CPAMD8: variants seen among roughly 807,000 people sequenced by gnomAD.
CPAMD8 encodes the protein C3 and PZP like alpha-2-macroglobulin domain containing 8.
Under a neutral mutation model 224.7 loss-of-function variants are expected in CPAMD8, and 146 were observed. The observed-to-expected ratio is 0.65, with a 90% CI of 0.57 to 0.75. CPAMD8 has a LOEUF of 0.75. Ranked by LOEUF, CPAMD8 falls within the 30% of genes least tolerant of loss-of-function variation. The probability of loss-of-function intolerance (pLI) is 0.00; values close to 1 mark genes in which losing one functional copy is unlikely to be tolerated. For missense variants in CPAMD8, 2,301 were observed against 2,537.5 expected (o/e 0.91, Z 2.00); for synonymous variants, 966 against 1,044.6 (o/e 0.92, Z 1.45).
At position 16,912,864 on chromosome 19, in the gene CPAMD8, C is replaced by T. The variant is rs781184919; in HGVS notation, c.3861+1560G>A. On this transcript the variant is annotated intron_variant, in intron 29 of 41. Transcript: ENST00000443236. The stretch of plus-strand genomic sequence containing the variant: ...GAAAGCTTCCAGAGGAGAGAACAAA[C>T]GAGATACAAAGGATAGTACTCAGAA... 4.6e-5 allele frequency among the ~76,000 whole-genome samples: 7 copies of T among 152,010 alleles called. No individual in the cohort carries two copies. The South Asian group carries it at 8.3e-4, about 18-fold the overall frequency.
At chr19:16,968,213 T>A (rs1394475076) in intron 18 of CPAMD8, among the ~76,000 whole-genome samples, 1 of 152,060 alleles carries the variant, frequency 6.6e-6, no homozygotes, top group African/African-American at 2.4e-5. Flanking sequence ...CATCTTGAAA[T>A]GCTTCCATGT....
Position 16,925,255 on chromosome 19 carries a change from T to C in CPAMD8, c.3488A>G (p.Gln1163Arg), listed in dbSNP as rs753551473. The change falls in exon 26 of 42, where the codon CAG (glutamine) becomes CGG (arginine). Residue 1163 changes from glutamine to arginine, a missense_variant. Around this residue, in one of 4 missense-constraint regions of CPAMD8, gnomAD observed 1,709 missense variants for 1,753.2 expected, o/e 0.97. Coordinates refer to ENST00000443236, the MANE Select transcript of CPAMD8 (RefSeq NM_015692.5). ...APNVFVLKYL[Q>R]KTQQLSPEVE... ...CTCAGGGCTGAGCTGCTGGGTTTTCTGAAGATACTTCAAGACAAAGACGTT... is the reference window on the plus strand; with the variant it reads ...CTCAGGGCTGAGCTGCTGGGTTTTCCGAAGATACTTCAAGACAAAGACGTT... 14 of 1,614,260 alleles carry C rather than the reference T, an allele frequency of 8.7e-6. No homozygotes were observed. Among genetic ancestry groups the C allele is most frequent in the African/African-American group, 1.3e-5 (1 of 75,064 alleles).
chr19:16,893,258 C>T lies in CPAMD8; in HGVS notation c.5508G>A (p.Trp1836Ter). Residue 1836 changes from tryptophan (W) to a stop codon, truncating the protein, a stop_gained, in exon 42 of 42, where the codon TGG (tryptophan) becomes TGA (stop). Transcript: ENST00000443236. LOFTEE classifies it low-confidence loss of function (END_TRUNC). ...GTCTCTGAGGGGCCGGAGTCTGGCC[C>T]CATCTGTGGAACGGGCTGGCGCTCT... is the stretch of plus-strand genomic sequence containing the variant. ...STQSASPFHR[W>*]GQTPAPQRHS... The T allele has an allele frequency of 6.4e-7, 1 of 1,571,294 alleles. No homozygotes were observed. Among genetic ancestry groups the T allele is most frequent in the Non-Finnish European group, 8.6e-7 (1 of 1,157,398 alleles).
intron 22 of CPAMD8, among the ~76,000 whole-genome samples, chr19:16,941,587 G>C (rs62129666): frequency 0.33 from 49,686 of 152,032 alleles, 8,329 homozygotes; most frequent in Middle Eastern, 0.39. Flanking sequence ...TGTTGGAAGA[G>C]GGGCCTGGTG....
At chr19:16,960,453 T>TA (rs79746442) in intron 18 of CPAMD8, among the ~76,000 whole-genome samples, 162 of 144,606 alleles carry the variant, frequency 1.1e-3, no homozygotes, top group Middle Eastern at 3.5e-3. Context: ...TATATATTTG[T>TA]AAAAAAAAAA....
intron 18 of CPAMD8, among the ~76,000 whole-genome samples, chr19:16,969,168 C>G (rs1275234906): frequency 6.6e-6 from 1 of 152,196 alleles, no homozygotes; most frequent in Non-Finnish European, 1.5e-5. Context: ...CAGGTCAGCT[C>G]TCCTGATTCA....
chr19:17,000,104 A>G, intron 10 of CPAMD8: 1 of 269,878 alleles, frequency 3.7e-6, no homozygotes. Flanking sequence ...TATTTTCTAA[A>G]GTCTCTATAT....
intron 18 of CPAMD8, among the ~76,000 whole-genome samples, chr19:16,966,547 GAACAGGC>G (rs2054833164): frequency 6.6e-6 from 1 of 152,142 alleles, no homozygotes; most frequent in Non-Finnish European, 1.5e-5. Context: ...CCATCAGAGT[GAACAGGC>G]AACCTACAGA....
At chr19:16,979,651 C>T (rs529227682) in intron 14 of CPAMD8, among the ~76,000 whole-genome samples, 100 of 152,302 alleles carry the variant, frequency 6.6e-4, no homozygotes, top group South Asian at 1.2e-3. Flanking sequence ...TCTGTCCATC[C>T]ATCCATTGAT....
chr19:16,975,364 A>T, intron 16 of CPAMD8, 106 bp from the exon 17 acceptor site: 1 of 859,022 alleles, frequency 1.2e-6, no homozygotes. Context: ...TTATCACGTC[A>T]TGACAACCTC....
intron 29 of CPAMD8, among the ~76,000 whole-genome samples, chr19:16,909,668 CG>C (rs1413964304): frequency 1.3e-5 from 2 of 151,494 alleles, no homozygotes; most frequent in South Asian, 4.2e-4. Flanking sequence ...TCCTTGAACC[CG>C]GGAGGCAGAG....
At chr19:16,983,676 C>G (rs1005898259) in intron 13 of CPAMD8, among the ~76,000 whole-genome samples, 1 of 151,994 alleles carries the variant, frequency 6.6e-6, no homozygotes, top group Non-Finnish European at 1.5e-5. Context: ...AAGGTGATCC[C>G]GGACCAGAAA....
intron 18 of CPAMD8, among the ~76,000 whole-genome samples, chr19:16,962,479 A>C (rs2054689609): frequency 6.6e-6 from 1 of 152,216 alleles, no homozygotes; most frequent in Non-Finnish European, 1.5e-5. Context: ...AAGCAAAAAG[A>C]CAAGGTTAGA....
chr19:16,954,329 T>A (rs1343588581), intron 19 of CPAMD8, among the ~76,000 whole-genome samples: 1 of 141,740 alleles, frequency 7.1e-6, no homozygotes, highest in Admixed American at 7.2e-5. Flanking sequence ...CGAGACTCTA[T>A]CTCAAAAAAA....
At chr19:16,979,234 A>C (rs958388562) in intron 14 of CPAMD8, among the ~76,000 whole-genome samples, 3 of 148,542 alleles carry the variant, frequency 2.0e-5, no homozygotes, top group African/African-American at 7.6e-5. Context: ...CCATCCATCC[A>C]TCTATTCATC....
chr19:16,909,667 C>T (rs1018872616), intron 29 of CPAMD8, among the ~76,000 whole-genome samples: 1 of 151,754 alleles, frequency 6.6e-6, no homozygotes, highest in Non-Finnish European at 1.5e-5. Flanking sequence ...ATCCTTGAAC[C>T]CGGGAGGCAG....
At chr19:16,902,598 G>A (rs375227628) in intron 35 of CPAMD8, 51 bp downstream of exon 35, 30 of 1,208,060 alleles carry the variant, frequency 2.5e-5, no homozygotes, top group Non-Finnish European at 3.4e-5. Context: ...CATCCTCTCC[G>A]CACATTGCAC....
At chr19:16,904,176 A>ACCCCCCCCCCCCCCCCCCCCC in intron 32 of CPAMD8, 50 bp downstream of exon 32, 1 of 937,338 alleles carries the variant, frequency 1.1e-6, no homozygotes, top group East Asian at 2.6e-5. Flanking sequence ...GACTGCAGGG[A>ACCCCCCCCCCCCCCCCCCCCC]CCCCACCCAC....
chr19:16,975,430 G>A (rs1205391790), intron 16 of CPAMD8, among the ~76,000 whole-genome samples, 172 bp from the exon 17 acceptor site: 1 of 152,200 alleles, frequency 6.6e-6, no homozygotes, highest in Non-Finnish European at 1.5e-5. Context: ...ACAGGAGCCA[G>A]GCACAGTGGC....
Sources: gnomAD v4.1 joint callset for allele counts (sites outside exome capture counted in the v4.1 genomes callset) on GRCh38, gnomAD v4.1.1 for gene constraint, gnomAD v4.1.1 regional missense constraint, MANE v1.5 for transcripts, NCBI Gene and HGNC (gene_info 2026-07-23, HGNC 2026-07-21) for gene names.